Variants in RASSF8 observed in about 807,000 individuals in gnomAD.
RASSF8 encodes Ras association domain family member 8.
Under a neutral mutation model 48.5 loss-of-function variants are expected in RASSF8, and 22 were observed. The observed-to-expected ratio is 0.45, with a 90% CI of 0.32 to 0.65. RASSF8 has a LOEUF of 0.65. Ranked by LOEUF, RASSF8 falls within the 30% of genes least tolerant of loss-of-function variation. The pLI is 0.03. For synonymous variants in RASSF8, 127 were observed against 171.5 expected (o/e 0.74, Z 2.03); for missense variants, 418 against 489.2 (o/e 0.85, Z 1.37).
At chr12:25,970,429 G>A (rs932556020) in intron 1 of RASSF8, among the ~76,000 whole-genome samples, 1 of 152,128 alleles carries the variant, frequency 6.6e-6, no homozygotes, top group African/African-American at 2.4e-5. Context: ...CTCACCTTGA[G>A]TAATTCATCT....
downstream of RASSF8, among the ~76,000 whole-genome samples, chr12:26,073,849 C>CACACATAT (rs35014279): frequency 7.4e-4 from 106 of 144,180 alleles, no homozygotes; most frequent in Middle Eastern, 3.6e-3. Flanking sequence ...CACACACACA[C>CACACATAT]ATATATATAT....
intron 1 of RASSF8, among the ~76,000 whole-genome samples, chr12:25,987,463 A>G (rs1421473071): frequency 1.3e-5 from 2 of 152,234 alleles, no homozygotes; most frequent in Non-Finnish European, 2.9e-5. Context: ...CTTTAATTCC[A>G]TACTAAGGCA....
chr12:25,978,008 G>C (rs908716085), intron 1 of RASSF8, among the ~76,000 whole-genome samples: 1 of 152,178 alleles, frequency 6.6e-6, no homozygotes, highest in African/African-American at 2.4e-5. Context: ...CTCAGTGGCT[G>C]CCTGTTGCTG....
At chr12:26,041,982 T>G (rs1053387200) in intron 2 of RASSF8, among the ~76,000 whole-genome samples, 2 of 152,240 alleles carry the variant, frequency 1.3e-5, no homozygotes, top group Non-Finnish European at 2.9e-5. Context: ...AGAATCATAC[T>G]GAGAGGATGA....
At chr12:26,067,962 G>T (rs1272375406) in intron 5 of RASSF8, among the ~76,000 whole-genome samples, 3 of 152,072 alleles carry the variant, frequency 2.0e-5, no homozygotes, top group Non-Finnish European at 1.5e-5. Context: ...GTAGAGATGA[G>T]GTTTCATCAT....
chr12:26,074,943 G>A (rs60460536), downstream of RASSF8, among the ~76,000 whole-genome samples: 1,382 of 152,252 alleles, frequency 9.1e-3, 24 homozygotes, highest in African/African-American at 0.031. Context: ...CAAATTTTAA[G>A]CGTGGAAATT....
chr12:25,987,847 A>T (rs1325368499), intron 1 of RASSF8, among the ~76,000 whole-genome samples: 1 of 151,724 alleles, frequency 6.6e-6, no homozygotes, highest in Non-Finnish European at 1.5e-5. Flanking sequence ...TTGGTTTTTT[A>T]TTATTTATTT....
intron 1 of RASSF8, among the ~76,000 whole-genome samples, chr12:25,969,710 C>G (rs1298362750): frequency 6.6e-6 from 1 of 152,074 alleles, no homozygotes; most frequent in Non-Finnish European, 1.5e-5. Flanking sequence ...TCTTTGCTGC[C>G]TTGTCTGCTC....
At chr12:25,958,667 C>G (rs1372547182), upstream of RASSF8, 1 of 146,546 alleles carries the variant, frequency 6.8e-6, no homozygotes, top group East Asian at 2.0e-4. Flanking sequence ...CGGCCCCCAG[C>G]CCGGCCCCCA....
chr12:26,077,602 G>A (rs1944083538), downstream of RASSF8, among the ~76,000 whole-genome samples: 2 of 152,154 alleles, frequency 1.3e-5, no homozygotes, highest in South Asian at 2.1e-4. Flanking sequence ...TGAGGCCTCT[G>A]TTCTGTTCCA....
At chr12:26,003,993 A>G (rs977029451) in intron 2 of RASSF8, among the ~76,000 whole-genome samples, 1 of 152,130 alleles carries the variant, frequency 6.6e-6, no homozygotes, top group Non-Finnish European at 1.5e-5. Context: ...ACAGGGCAAC[A>G]TGGTGAAACC....
At chr12:25,990,514 T>G (rs1017866509) in intron 1 of RASSF8, among the ~76,000 whole-genome samples, 1 of 152,346 alleles carries the variant, frequency 6.6e-6, no homozygotes, top group South Asian at 2.1e-4. Flanking sequence ...CAAACTAATA[T>G]AGCTTAATAG....
At chr12:26,034,868 A>G (rs1943100387) in intron 2 of RASSF8, among the ~76,000 whole-genome samples, 1 of 152,160 alleles carries the variant, frequency 6.6e-6, no homozygotes, top group Admixed American at 6.5e-5. Flanking sequence ...AAAACACCAT[A>G]CAGCAGATTC....
chr12:25,990,106 A>G (rs2136942107), intron 1 of RASSF8, among the ~76,000 whole-genome samples: 1 of 152,338 alleles, frequency 6.6e-6, no homozygotes, highest in South Asian at 2.1e-4. Flanking sequence ...AAGGAAATGC[A>G]TCCTGATCAA....
chr12:25,960,820 T>C (rs1941214720), intron 1 of RASSF8, among the ~76,000 whole-genome samples: 1 of 152,078 alleles, frequency 6.6e-6, no homozygotes, highest in Admixed American at 6.6e-5. Flanking sequence ...AGGGAGCAAA[T>C]CATGGGGCTG....
chr12:26,073,746 T>TCTCTCTACACACACACAC (rs10678881), downstream of RASSF8, among the ~76,000 whole-genome samples: 2 of 46,404 alleles, frequency 4.3e-5, no homozygotes, highest in Admixed American at 1.4e-4. Context: ...TCTCTCTCTC[T>TCTCTCTACACACACACAC]ATACACACAC....
intron 2 of RASSF8, among the ~76,000 whole-genome samples, chr12:26,014,921 A>G (rs1222831101): frequency 1.3e-5 from 2 of 151,852 alleles, no homozygotes; most frequent in African/African-American, 2.4e-5. Flanking sequence ...AATATTCCAT[A>G]CAGGCTGGGC....
chr12:26,050,196 T>C (rs1322740031), intron 2 of RASSF8, among the ~76,000 whole-genome samples: 1 of 152,238 alleles, frequency 6.6e-6, no homozygotes, highest in Non-Finnish European at 1.5e-5. Flanking sequence ...AATTACAATT[T>C]CTAATATCTG....
intron 4 of RASSF8, 150 bp downstream of exon 4, chr12:26,065,537 G>C (rs1188749174): frequency 2.0e-6 from 2 of 1,012,732 alleles, no homozygotes; most frequent in Non-Finnish European, 2.8e-6. Flanking sequence ...TGTGACTTAC[G>C]ACAGCTTAGA....
Sources: gnomAD v4.1 joint callset for allele counts (sites outside exome capture counted in the v4.1 genomes callset) on GRCh38, gnomAD v4.1.1 for gene constraint, MANE v1.5 for transcripts, NCBI Gene and HGNC (gene_info 2026-07-23, HGNC 2026-07-21) for gene names.